The following DPYD variants were observed in gnomAD, a reference collection of about 807,000 sequenced individuals.
DPYD encodes dihydropyrimidine dehydrogenase [NADP(+)].
In DPYD, 109 loss-of-function variants were observed where a neutral mutation model predicts 116.2. The ratio of observed to expected loss-of-function variants is 0.94; its 90% CI spans 0.80 to 1.10. The LOEUF is 1.10. DPYD is among the 50% of genes least tolerant of loss of function. The pLI is 0.00. For missense variants in DPYD, 1,302 were observed against 1,254.5 expected (o/e 1.04, Z -0.57); for synonymous variants, 440 against 432.0 (o/e 1.02, Z -0.23).
intron 2 of DPYD, among the ~76,000 whole-genome samples, chr1:97,858,524 T>C (rs1670961881): frequency 6.6e-6 from 1 of 152,182 alleles, no homozygotes; most frequent in Admixed American, 6.5e-5. Flanking sequence ...ATAAAGATAG[T>C]ACATCTGTTT....
rs531956530 is a variant in DPYD, at chr1:97,558,761, C to A, written c.1340-9017G>T. On this transcript the variant is annotated intron_variant, in intron 11 of 22. Coordinates refer to ENST00000370192, the MANE Select transcript of DPYD (RefSeq NM_000110.4). Reference sequence around the variant, plus strand: ...GGAAGTTTCATTTCCACTTCCTAAACTGACCAACAAACCAATTCAGAATTA... The same window carrying A: ...GGAAGTTTCATTTCCACTTCCTAAAATGACCAACAAACCAATTCAGAATTA... Among the ~76,000 whole-genome samples the A allele has an allele frequency of 6.6e-5, 10 of 152,282 alleles. No individual in the cohort carries two copies. In the East Asian group the frequency reaches 1.9e-3, roughly 29 times the overall value.
At chr1:97,587,815 C>T (rs933870599) in intron 10 of DPYD, among the ~76,000 whole-genome samples, 6 of 141,902 alleles carry the variant, frequency 4.2e-5, no homozygotes, top group Admixed American at 7.2e-5. Flanking sequence ...CAGAGCAAGA[C>T]TCCATCTCCA....
chr1:97,594,003 T>C (rs1235198477), intron 9 of DPYD, among the ~76,000 whole-genome samples: 2 of 152,180 alleles, frequency 1.3e-5, no homozygotes, highest in Admixed American at 6.5e-5. Flanking sequence ...AAAAGAAATA[T>C]GACTTTCTAA....
chr1:97,293,796 G>A (rs560450796), intron 18 of DPYD, among the ~76,000 whole-genome samples: 1 of 152,128 alleles, frequency 6.6e-6, no homozygotes, highest in Admixed American at 6.6e-5. Context: ...ACAAAAATTA[G>A]CAATTAGCCA....
At chr1:97,816,132 T>G (rs1238590332) in intron 3 of DPYD, among the ~76,000 whole-genome samples, 1 of 151,848 alleles carries the variant, frequency 6.6e-6, no homozygotes, top group Non-Finnish European at 1.5e-5. Flanking sequence ...TATTCACAGG[T>G]GTGGACACTG....
At chr1:97,684,508 T>C (rs184879429) in intron 7 of DPYD, among the ~76,000 whole-genome samples, 13 of 150,944 alleles carry the variant, frequency 8.6e-5, no homozygotes, top group African/African-American at 2.9e-4. Flanking sequence ...CTGAAGGAGA[T>C]AGAGACACGA....
intron 14 of DPYD, among the ~76,000 whole-genome samples, chr1:97,396,318 A>G (rs985613276): frequency 2.1e-5 from 3 of 143,776 alleles, no homozygotes; most frequent in African/African-American, 7.5e-5. Context: ...CTGTTTGACT[A>G]TAATATTTAT....
intron 8 of DPYD, among the ~76,000 whole-genome samples, chr1:97,669,962 C>A (rs1192026953): frequency 1.3e-5 from 2 of 152,140 alleles, no homozygotes; most frequent in Admixed American, 1.3e-4. Context: ...AAGATAAGAG[C>A]TGTGTGGTTT....
intron 20 of DPYD, among the ~76,000 whole-genome samples, chr1:97,104,176 A>C (rs1650957789): frequency 6.6e-6 from 1 of 152,148 alleles, no homozygotes; most frequent in South Asian, 2.1e-4. Context: ...GATCCAGCAC[A>C]TAATAGGTGC....
chr1:97,082,590 T>C, intron 21 of DPYD, 120 bp from the exon 22 acceptor site: 1 of 1,175,726 alleles, frequency 8.5e-7, no homozygotes, highest in South Asian at 1.3e-5. Context: ...CTTGGGAGAC[T>C]GGATAGTATA....
chr1:97,334,683 T>C (rs1351269937), intron 16 of DPYD, among the ~76,000 whole-genome samples: 1 of 152,204 alleles, frequency 6.6e-6, no homozygotes, highest in Non-Finnish European at 1.5e-5. Context: ...CTCTGTTGAA[T>C]AGCAGCTGTA....
chr1:97,648,469 C>A (rs1260305379), intron 8 of DPYD, among the ~76,000 whole-genome samples: 1 of 151,594 alleles, frequency 6.6e-6, no homozygotes, highest in African/African-American at 2.4e-5. Context: ...CCTGGATTTC[C>A]TGTTATATGA....
intron 21 of DPYD, among the ~76,000 whole-genome samples, chr1:97,095,505 A>G (rs930435824): frequency 2.6e-5 from 4 of 152,046 alleles, no homozygotes; most frequent in Non-Finnish European, 2.9e-5. Flanking sequence ...AAACAACTAG[A>G]TGGGGTAAAT....
Position 97,745,015 on chromosome 1 carries a change from C to G in DPYD, c.234-4536G>C, listed in dbSNP as rs540256991. ...GTTCTGATCCATTAAGCAGTCAAAA[C>G]AGTCAAAAGCCATCCTCAGCTTCCA... On this transcript the variant is annotated intron_variant, in intron 3 of 22. Transcript: ENST00000370192. Among the ~76,000 whole-genome samples the G allele has an allele frequency of 1.4e-4, 21 of 152,112 alleles. No homozygotes were observed. The East Asian group carries it at 4.1e-3, about 29-fold the overall frequency.
chr1:97,225,428 G>T (rs1661077290), intron 19 of DPYD, among the ~76,000 whole-genome samples: 1 of 151,830 alleles, frequency 6.6e-6, no homozygotes, highest in Admixed American at 6.6e-5. Context: ...TTTACTCAAA[G>T]ATATTTACTC....
At chr1:97,305,614 A>G (rs1667113634) in intron 17 of DPYD, among the ~76,000 whole-genome samples, 5 of 151,870 alleles carry the variant, frequency 3.3e-5, no homozygotes, top group Admixed American at 3.3e-4. Context: ...GTTGTTACCA[A>G]ATGTTTTGTA....
intron 20 of DPYD, among the ~76,000 whole-genome samples, chr1:97,121,464 T>G (rs1381150648): frequency 6.6e-6 from 1 of 152,200 alleles, no homozygotes; most frequent in Non-Finnish European, 1.5e-5. Context: ...TGCTGTTTAC[T>G]AAATAATCCT....
At chr1:97,231,629 G>T (rs1661595044) in intron 19 of DPYD, among the ~76,000 whole-genome samples, 1 of 152,082 alleles carries the variant, frequency 6.6e-6, no homozygotes, top group Non-Finnish European at 1.5e-5. Flanking sequence ...AACATATGGG[G>T]ATTATTACAA....
intron 1 of DPYD, among the ~76,000 whole-genome samples, chr1:97,914,795 A>G (rs781092743): frequency 2.6e-5 from 4 of 152,056 alleles, no homozygotes; most frequent in Non-Finnish European, 5.9e-5. Context: ...AAACTCCCCA[A>G]TCTCCCTCAT....
Sources: allele counts gnomAD v4.1 joint callset (sites outside exome capture counted in the v4.1 genomes callset), GRCh38; gene constraint gnomAD v4.1.1; transcripts MANE v1.5; gene names NCBI Gene and HGNC (gene_info 2026-07-23, HGNC 2026-07-21).